Variants in NTM observed in about 807,000 individuals in gnomAD.
The protein encoded by NTM is neurotrimin.
NTM carries 13 observed loss-of-function variants against 42.1 expected under a neutral mutation model. The observed-to-expected ratio is 0.31, with a 90% CI of 0.20 to 0.49. The LOEUF (loss-of-function observed/expected upper bound fraction) is 0.49, where lower values mean the gene tolerates loss of function less well. Ranked by LOEUF, NTM falls within the 20% of genes least tolerant of loss-of-function variation. NTM has a pLI of 0.99. For synonymous variants in NTM, 187 were observed against 179.2 expected (o/e 1.04, Z -0.35); for missense variants, 373 against 452.8 (o/e 0.82, Z 1.60).
chr11:131,646,330 T>G (rs2065768307), intron 1 of NTM, among the ~76,000 whole-genome samples: 1 of 152,230 alleles, frequency 6.6e-6, no homozygotes. Flanking sequence ...TTTTCTCTAT[T>G]TCTATTTTTG....
intron 1 of NTM, among the ~76,000 whole-genome samples, chr11:131,385,545 T>G (rs988332728): frequency 1.3e-5 from 2 of 151,510 alleles, no homozygotes; most frequent in African/African-American, 4.9e-5. Flanking sequence ...TGGAAAGAGT[T>G]TGGGGGTTTC....
chr11:131,711,268 C>T (rs1173826609), intron 1 of NTM, among the ~76,000 whole-genome samples: 3 of 151,860 alleles, frequency 2.0e-5, no homozygotes, highest in African/African-American at 7.3e-5. Context: ...TACAATGAAC[C>T]CAAACAAATT....
intron 1 of NTM, among the ~76,000 whole-genome samples, chr11:131,803,210 T>C (rs1263590553): frequency 6.6e-6 from 1 of 152,216 alleles, no homozygotes; most frequent in African/African-American, 2.4e-5. Context: ...CAGAGTTTCC[T>C]GGCATCTTCA....
intron 1 of NTM, among the ~76,000 whole-genome samples, chr11:131,530,010 G>A (rs1387033836): frequency 2.6e-5 from 4 of 152,132 alleles, no homozygotes; most frequent in Non-Finnish European, 5.9e-5. Context: ...CTGGGTATTC[G>A]TTTACTCTAG....
intron 2 of NTM, among the ~76,000 whole-genome samples, chr11:132,047,892 G>A (rs2078240001): frequency 6.6e-6 from 1 of 152,112 alleles, no homozygotes; most frequent in Non-Finnish European, 1.5e-5. Flanking sequence ...GTCAAAGTTG[G>A]GTGGACGACC....
chr11:131,671,368 C>A, intron 1 of NTM: 1 of 934,268 alleles, frequency 1.1e-6, no homozygotes, highest in Non-Finnish European at 1.3e-6. Context: ...TTATGGAAGG[C>A]CAGGGACACC....
chr11:131,444,861 T>A (rs1949924296), intron 1 of NTM, among the ~76,000 whole-genome samples: 1 of 152,174 alleles, frequency 6.6e-6, no homozygotes, highest in South Asian at 2.1e-4. Flanking sequence ...TACAAATGTG[T>A]TTCCTGGAAG....
chr11:131,393,103 C>G (rs545784067), intron 1 of NTM, among the ~76,000 whole-genome samples: 2 of 152,160 alleles, frequency 1.3e-5, no homozygotes, highest in African/African-American at 4.8e-5. Flanking sequence ...CAGACGGGCT[C>G]TCTCTGTCTG....
chr11:131,795,133 A>T (rs543291916), intron 1 of NTM: 1 of 452,304 alleles, frequency 2.2e-6, no homozygotes, highest in South Asian at 9.3e-5. Context: ...TATTGTATTA[A>T]AGTATGCATC....
chr11:131,990,048 T>C (rs1371058174), intron 2 of NTM, among the ~76,000 whole-genome samples: 1 of 152,146 alleles, frequency 6.6e-6, no homozygotes, highest in Non-Finnish European at 1.5e-5. Flanking sequence ...ATTTTGAGAC[T>C]GGGGTAGAGG....
intron 1 of NTM, among the ~76,000 whole-genome samples, chr11:131,373,392 G>C (rs1033214953): frequency 3.3e-5 from 5 of 152,070 alleles, no homozygotes; most frequent in African/African-American, 1.2e-4. Context: ...TCTTGAAAAG[G>C]TGTCTGGTGC....
intron 1 of NTM, among the ~76,000 whole-genome samples, chr11:131,393,103 C>A (rs545784067): frequency 6.8e-4 from 104 of 152,278 alleles, no homozygotes; most frequent in African/African-American, 2.5e-3. Context: ...CAGACGGGCT[C>A]TCTCTGTCTG....
intron 4 of NTM, among the ~76,000 whole-genome samples, chr11:132,253,962 C>G (rs1293688701): frequency 6.6e-6 from 1 of 152,266 alleles, no homozygotes; most frequent in Admixed American, 6.5e-5. Flanking sequence ...TGAGTTCTCC[C>G]TGGATATGGA....
In NTM at chr11:131,632,634, G is replaced by A. The variant is rs376250010; in HGVS notation, c.82+261746G>A. On this transcript the variant is annotated intron_variant, in intron 1 of 8. Coordinates refer to ENST00000683400, the MANE Select transcript of NTM (RefSeq NM_001352005.2). ...TTTTCTGGAATATGTTTGTAGAGCT[G>A]CCATAGCACTACTTTTCATCTTGGT... Among the ~76,000 whole-genome samples, 17 of 146,920 alleles carry A rather than the reference G, an allele frequency of 1.2e-4. 2 individuals carry two copies. Among genetic ancestry groups the A allele is most frequent in the African/African-American group, 4.0e-4 (16 of 39,950 alleles).
At chr11:132,296,888 G>A (rs1437097229) in intron 4 of NTM, among the ~76,000 whole-genome samples, 2 of 152,208 alleles carry the variant, frequency 1.3e-5, no homozygotes. Flanking sequence ...CCAGCAGGAT[G>A]ATTTGGCCTA....
chr11:131,890,722 C>G (rs796717230), intron 1 of NTM, among the ~76,000 whole-genome samples: 1 of 152,138 alleles, frequency 6.6e-6, no homozygotes, highest in African/African-American at 2.4e-5. Context: ...TCGTGAAAAG[C>G]TCTTTGGATG....
intron 2 of NTM, among the ~76,000 whole-genome samples, chr11:131,951,841 A>G (rs1362098367): frequency 6.6e-6 from 1 of 151,260 alleles, no homozygotes; most frequent in African/African-American, 2.4e-5. Flanking sequence ...AAAAAAAAAA[A>G]AAGCCCAACG....
At chr11:131,861,592 C>T (rs2046640217) in intron 1 of NTM, among the ~76,000 whole-genome samples, 1 of 152,250 alleles carries the variant, frequency 6.6e-6, no homozygotes, top group Non-Finnish European at 1.5e-5. Flanking sequence ...TTAAGCCAAT[C>T]TGCCTGATGT....
intron 1 of NTM, among the ~76,000 whole-genome samples, chr11:131,527,687 A>G (rs896151006): frequency 6.6e-6 from 1 of 152,224 alleles, no homozygotes; most frequent in Admixed American, 6.5e-5. Context: ...GAGCCAAGCA[A>G]CCATGGATCA....
Sources: gnomAD v4.1 joint callset for allele counts (sites outside exome capture counted in the v4.1 genomes callset) on GRCh38, gnomAD v4.1.1 for gene constraint, MANE v1.5 for transcripts, NCBI Gene and HGNC (gene_info 2026-07-23, HGNC 2026-07-21) for gene names.